Variants in ADCK1 observed in about 807,000 individuals in gnomAD.
ADCK1 encodes aarF domain-containing protein kinase 1.
A neutral mutation model predicts 52.3 loss-of-function variants in ADCK1; 41 were observed. That is an observed-to-expected ratio of 0.78 (90% CI 0.61 to 1.02). The LOEUF is 1.02. Among genes scored for constraint, ADCK1 ranks in the 50% least tolerant of loss-of-function variants. The probability of loss-of-function intolerance (pLI) is 0.00; values close to 1 mark genes in which losing one functional copy is unlikely to be tolerated. For missense variants in ADCK1, 658 were observed against 679.5 expected, an observed-to-expected ratio of 0.97 and a Z score of 0.35; for synonymous variants, 250 against 274.6, an observed-to-expected ratio of 0.91 and a Z score of 0.89.
chr14:77,904,172 C>T (rs768030524), intron 6 of ADCK1, among the ~76,000 whole-genome samples: 3 of 152,186 alleles, frequency 2.0e-5, no homozygotes, highest in Non-Finnish European at 4.4e-5. Context: ...CTGTGAAACT[C>T]GATGTGGCTG....
At chr14:77,869,395 A>G (rs982120572) in intron 4 of ADCK1, among the ~76,000 whole-genome samples, 4 of 151,964 alleles carry the variant, frequency 2.6e-5, no homozygotes, top group Non-Finnish European at 5.9e-5. Context: ...TCATCTTCAC[A>G]TGGTATCCTC....
intron 3 of ADCK1, among the ~76,000 whole-genome samples, chr14:77,847,924 T>C (rs146022674): frequency 2.1e-4 from 32 of 152,202 alleles, no homozygotes; most frequent in African/African-American, 7.7e-4. Context: ...GCCAGAGCCA[T>C]GGTGGCCGTG....
rs1201973805 is a variant in ADCK1, at chr14:77,819,239, A to C, written c.135+126A>C. 3.0e-6 allele frequency: 4 copies of C among 1,347,100 alleles called. No individual in the cohort carries two copies. In the Admixed American group the frequency reaches 8.6e-5, roughly 29 times the overall value. The allele number at this position is 1,347,100 out of a possible 1,614,324, so 83.4% of individuals were successfully genotyped here. On this transcript the variant is annotated intron_variant, in intron 2 of 10. Coordinates refer to ENST00000238561, the MANE Select transcript of ADCK1 (RefSeq NM_020421.4). ...TACTTGTGTATCCTTACATGTGCAAAAGCTACATCTGCACAGGTGTACACA... is the reference window on the plus strand; with the variant it reads ...TACTTGTGTATCCTTACATGTGCAACAGCTACATCTGCACAGGTGTACACA...
intron 3 of ADCK1, among the ~76,000 whole-genome samples, chr14:77,837,614 C>T (rs2081988273): frequency 6.6e-6 from 1 of 152,232 alleles, no homozygotes; most frequent in East Asian, 1.9e-4. Context: ...CCTGTAACCA[C>T]TCTACTCCCC....
intron 1 of ADCK1, among the ~76,000 whole-genome samples, chr14:77,803,206 G>A (rs1266916518): frequency 1.3e-5 from 2 of 152,070 alleles, no homozygotes; most frequent in African/African-American, 2.4e-5. Flanking sequence ...AGTTTTGGGG[G>A]CAGACTAGAA....
intron 9 of ADCK1, among the ~76,000 whole-genome samples, chr14:77,930,868 G>A (rs1456697150): frequency 6.6e-6 from 1 of 152,170 alleles, no homozygotes; most frequent in Non-Finnish European, 1.5e-5. Flanking sequence ...GCATTTATCT[G>A]CTTAGAGCTG....
intron 3 of ADCK1, among the ~76,000 whole-genome samples, chr14:77,848,764 G>A (rs965283305): frequency 6.6e-6 from 1 of 151,658 alleles, no homozygotes; most frequent in Non-Finnish European, 1.5e-5. Flanking sequence ...CACCATGCCC[G>A]GCCTGTTTAT....
At chr14:77,904,376 C>T (rs1844017126) in intron 6 of ADCK1, among the ~76,000 whole-genome samples, 1 of 152,210 alleles carries the variant, frequency 6.6e-6, no homozygotes, top group African/African-American at 2.4e-5. Flanking sequence ...AGTCACACAG[C>T]TTTTAGGTGG....
chr14:77,881,231 G>A (rs2083015390), intron 4 of ADCK1, among the ~76,000 whole-genome samples: 1 of 152,236 alleles, frequency 6.6e-6, no homozygotes, highest in Admixed American at 6.5e-5. Flanking sequence ...AGGGGCCGGA[G>A]GATTGTTTCC....
chr14:77,931,747 C>CTT, intron 10 of ADCK1, 36 bp downstream of exon 10: 2 of 1,581,860 alleles, frequency 1.3e-6, no homozygotes, highest in Non-Finnish European at 1.7e-6. Flanking sequence ...CCCCTCCTAG[C>CTT]CCCCTGGCCT....
At position 77,819,030 on chromosome 14, in the gene ADCK1, G is replaced by A. The variant is rs372662986; in HGVS notation, c.52G>A (p.Ala18Thr). The A allele has an allele frequency of 1.9e-6, 3 of 1,614,172 alleles. No individual in the cohort carries two copies. Among genetic ancestry groups the A allele is most frequent in the Non-Finnish European group, 1.7e-6 (2 of 1,180,026 alleles). Residue 18 changes from alanine (A) to threonine (T), a missense_variant, in exon 2 of 11, where the codon GCC becomes ACC. Ala to Thr is a moderately conservative substitution (Grantham distance 58). Transcript: ENST00000238561. ...LASWTSMALA[A>T]SGIYFYSNKY... Reference sequence around the variant, plus strand: ...TTCGTGGACCAGCATGGCTCTTGCTGCCTCTGGCATCTACTTCTACAGTAA... The same window carrying A: ...TTCGTGGACCAGCATGGCTCTTGCTACCTCTGGCATCTACTTCTACAGTAA...
At chr14:77,922,964 G>C (rs143024372) in intron 7 of ADCK1, among the ~76,000 whole-genome samples, 1 of 152,208 alleles carries the variant, frequency 6.6e-6, no homozygotes, top group East Asian at 1.9e-4. Flanking sequence ...AGGGTCTCAC[G>C]TTGAACGCAG....
intron 3 of ADCK1, among the ~76,000 whole-genome samples, chr14:77,830,012 T>C (rs770236784): frequency 2.6e-5 from 4 of 151,272 alleles, no homozygotes; most frequent in Non-Finnish European, 5.9e-5. Flanking sequence ...GGATTAGAGC[T>C]AGGTAACAGA....
At chr14:77,886,050 G>C (rs1321449185) in intron 4 of ADCK1, among the ~76,000 whole-genome samples, 2 of 152,264 alleles carry the variant, frequency 1.3e-5, no homozygotes, top group African/African-American at 4.8e-5. Flanking sequence ...AAAAGAAAAT[G>C]AGGCACAGAA....
intron 4 of ADCK1, among the ~76,000 whole-genome samples, chr14:77,884,050 G>T (rs2083092373): frequency 2.0e-5 from 3 of 152,210 alleles, no homozygotes; most frequent in African/African-American, 7.2e-5. Context: ...CTGCTACACA[G>T]CCCTAGTGAT....
chr14:77,902,502 A>G (rs2083568586), intron 6 of ADCK1: 1 of 152,252 alleles, frequency 6.6e-6, no homozygotes, highest in South Asian at 2.1e-4. Context: ...TTAACTAATT[A>G]GCATAATGCT....
At chr14:77,804,855 C>A (rs921942984) in intron 1 of ADCK1, among the ~76,000 whole-genome samples, 1 of 152,150 alleles carries the variant, frequency 6.6e-6, no homozygotes, top group Non-Finnish European at 1.5e-5. Context: ...TATACATCCT[C>A]TGTGTTTGCC....
At chr14:77,891,554 C>G (rs111242386) in intron 5 of ADCK1, among the ~76,000 whole-genome samples, 2 of 152,264 alleles carry the variant, frequency 1.3e-5, no homozygotes, top group South Asian at 2.1e-4. Flanking sequence ...GATTTGGCAT[C>G]TTCCTCCCTG....
At chr14:77,871,440 C>G (rs2082775581) in intron 4 of ADCK1, among the ~76,000 whole-genome samples, 1 of 152,140 alleles carries the variant, frequency 6.6e-6, no homozygotes. Context: ...TCATGGCAAC[C>G]TTTGCCTCCC....
Sources: allele counts gnomAD v4.1 joint callset (sites outside exome capture counted in the v4.1 genomes callset), GRCh38; gene constraint gnomAD v4.1.1; transcripts MANE v1.5; gene names NCBI Gene and HGNC (gene_info 2026-07-23, HGNC 2026-07-21).